Variants in PLCG2 observed in about 807,000 individuals in gnomAD.
PLCG2 encodes 1-phosphatidylinositol 4,5-bisphosphate phosphodiesterase gamma-2.
Under a neutral mutation model 175.6 loss-of-function variants are expected in PLCG2, and 69 were observed. The observed-to-expected ratio is 0.39, with a 90% CI of 0.32 to 0.48. The LOEUF (loss-of-function observed/expected upper bound fraction) is 0.48, where lower values mean the gene tolerates loss of function less well. PLCG2 is among the 20% of genes least tolerant of loss of function. The pLI, the probability that PLCG2 is intolerant of heterozygous loss-of-function variation, is 0.91. For synonymous variants in PLCG2, 827 were observed against 624.0 expected, an observed-to-expected ratio of 1.33 and a Z score of -4.85; for missense variants, 1,798 against 1,650.9, an observed-to-expected ratio of 1.09 and a Z score of -1.54.
rs1039970193 is a variant in PLCG2, at chr16:81,959,253, T to G, written c.*1255T>G. On this transcript the variant is annotated 3_prime_UTR_variant, in exon 33 of 33. Transcript: ENST00000564138. ...CCAGCAGTAAGCCTGATGTTTGATG[T>G]GGATGGAACTGGCCCCTAGAAACCC... 1.3e-5 allele frequency: 3 copies of G among 223,588 alleles called. No homozygotes were observed. Among genetic ancestry groups the G allele is most frequent in the Non-Finnish European group, 2.7e-5 (3 of 112,062 alleles). The allele number at this position is 223,588 out of a possible 1,614,324, so 13.9% of individuals were successfully genotyped here. A position where few individuals can be genotyped will look rare whatever the true frequency, so the allele number is the denominator to read the frequency against.
upstream of PLCG2, among the ~76,000 whole-genome samples, chr16:81,774,671 C>G (rs1326505731): frequency 1.3e-5 from 2 of 151,648 alleles, no homozygotes; most frequent in Non-Finnish European, 2.9e-5. Flanking sequence ...GGACCTCAGC[C>G]TGGTCACTGC....
intron 2 of PLCG2, among the ~76,000 whole-genome samples, chr16:81,832,201 G>T (rs1449937151): frequency 1.3e-5 from 2 of 152,202 alleles, no homozygotes; most frequent in African/African-American, 4.8e-5. Flanking sequence ...GTGAATACTT[G>T]GGGGGATATT....
In PLCG2 at chr16:81,895,859, G is replaced by T. The variant is rs374233612; in HGVS notation, c.1125G>T (p.Thr375=). ...DGKPVIYHGW[T]RTTKIKFDDV... ...AGCCGGTCATCTACCATGGCTGGAC[G>T]CGGACTACCAAGATCAAGTTTGACG... Residue 375 remains threonine, a synonymous_variant, in exon 13 of 33, where the codon ACG becomes ACT. Transcript: ENST00000564138. 24 of 1,613,990 alleles carry T rather than the reference G, an allele frequency of 1.5e-5. 1 individual carries two copies. In the Admixed American group the frequency reaches 4.0e-4, roughly 27 times the overall value.
In PLCG2 at chr16:81,886,497, C is replaced by G. The variant is rs186642922; in HGVS notation, c.766-2675C>G. On this transcript the variant is annotated intron_variant, in intron 9 of 32. Transcript: ENST00000564138. Reference sequence around the variant, plus strand: ...ATATCTGGAGTAAATAGTTGCCCTCCCAGACACTTATCCTAAGGAAATAAT... The same window carrying G: ...ATATCTGGAGTAAATAGTTGCCCTCGCAGACACTTATCCTAAGGAAATAAT... Among the ~76,000 whole-genome samples the G allele has an allele frequency of 2.3e-3, 346 of 152,258 alleles. 3 individuals carry two copies. Among genetic ancestry groups the G allele is most frequent in the Middle Eastern group, 0.01 (3 of 294 alleles).
At chr16:81,948,513 G>A (rs1182461426) in intron 31 of PLCG2, among the ~76,000 whole-genome samples, 1 of 152,160 alleles carries the variant, frequency 6.6e-6, no homozygotes, top group South Asian at 2.1e-4. Context: ...TCTTTAGAGT[G>A]GAAGAAAACC....
intron 2 of PLCG2, among the ~76,000 whole-genome samples, chr16:81,806,113 C>T (rs1199814613): frequency 6.7e-6 from 1 of 148,632 alleles, no homozygotes; most frequent in African/African-American, 2.4e-5. Flanking sequence ...TCTGTGTCTT[C>T]AAAATCCAGT....
chr16:81,792,052 A>G (rs573537191), intron 2 of PLCG2, among the ~76,000 whole-genome samples: 2 of 152,336 alleles, frequency 1.3e-5, no homozygotes, highest in East Asian at 1.9e-4. Flanking sequence ...AATGGCATGC[A>G]TATCGATGGT....
chr16:81,926,220 T>G (rs1043688788), intron 22 of PLCG2, among the ~76,000 whole-genome samples: 8 of 152,180 alleles, frequency 5.3e-5, no homozygotes, highest in Non-Finnish European at 1.0e-4. Flanking sequence ...CTGGGAGTCC[T>G]GGGGTCAGAC....
rs779774477 is a variant in PLCG2 at position 81,869,275 on chromosome 16, A to C, written c.541A>C (p.Lys181Gln). The change falls in exon 6 of 33, where the codon AAG becomes CAG. Residue 181 changes from lysine to glutamine, a missense_variant. Transcript: ENST00000564138. ...PLINFKVSSA[K>Q]FLKDKFVEIG... Reference sequence around the variant, plus strand: ...GATCAACTTTAAAGTGAGCAGTGCCAAGTTCCTTAAAGATAAGTTTGTGGT... The same window carrying C: ...GATCAACTTTAAAGTGAGCAGTGCCCAGTTCCTTAAAGATAAGTTTGTGGT... 2 of 1,613,106 alleles carry C rather than the reference A, an allele frequency of 1.2e-6. No homozygotes were observed. The highest frequency in any genetic ancestry group is 1.1e-5 in the South Asian group (1 of 91,050).
intron 25 of PLCG2, 69 bp downstream of exon 25, chr16:81,931,723 G>T (rs1910511169): frequency 7.0e-7 from 1 of 1,438,584 alleles, no homozygotes; most frequent in Non-Finnish European, 9.7e-7. Flanking sequence ...AGTTGGGACT[G>T]TGGGTGGGTC....
Position 81,907,786 on chromosome 16 carries a change from C to A in PLCG2, c.1557+12C>A, listed in dbSNP as rs374922699. On this transcript the variant is annotated intron_variant, in intron 16 of 32. Coordinates refer to ENST00000564138, the MANE Select transcript of PLCG2 (RefSeq NM_002661.5). The stretch of plus-strand genomic sequence containing the variant: ...AGGAAGTGCCCCAGGTAGGGGGACA[C>A]CCTAGCCACATAGGGAGGAGGTCCC... 3.7e-6 allele frequency: 6 copies of A among 1,601,000 alleles called. No individual in the cohort carries two copies. The East Asian group carries it at 8.9e-5, about 24-fold the overall frequency.
At chr16:81,872,098 C>G (rs114660464) in intron 7 of PLCG2, among the ~76,000 whole-genome samples, 1 of 152,078 alleles carries the variant, frequency 6.6e-6, no homozygotes, top group Non-Finnish European at 1.5e-5. Flanking sequence ...GGAGCCCAGG[C>G]GGGTGGATCA....
At chr16:81,865,625 C>G (rs1443467097) in intron 5 of PLCG2, among the ~76,000 whole-genome samples, 3 of 152,216 alleles carry the variant, frequency 2.0e-5, no homozygotes, top group African/African-American at 7.2e-5. Context: ...GGTTCCTTTG[C>G]CCTGCTGCTG....
chr16:81,760,444 G>C (rs1455151541), intron 2 of PLCG2, among the ~76,000 whole-genome samples: 1 of 152,192 alleles, frequency 6.6e-6, no homozygotes, highest in African/African-American at 2.4e-5. Context: ...CCTGATGCTG[G>C]TACGTCTGAC....
intron 31 of PLCG2, among the ~76,000 whole-genome samples, chr16:81,947,244 C>T (rs941869418): frequency 7.9e-5 from 12 of 152,110 alleles, no homozygotes; most frequent in South Asian, 2.1e-4. Context: ...AGCTTAATGC[C>T]GGGGCTGCCA....
chr16:81,897,476 C>A (rs1484062299), intron 13 of PLCG2, among the ~76,000 whole-genome samples: 1 of 152,060 alleles, frequency 6.6e-6, no homozygotes, highest in Non-Finnish European at 1.5e-5. Context: ...CTTAACCCTG[C>A]ACCTGGCATA....
In PLCG2 at chr16:81,960,893, T is replaced by C. The variant is rs1038158517; in HGVS notation, c.*2895T>C. 1.7e-5 allele frequency: 4 copies of C among 229,290 alleles called. No homozygotes were observed. The highest frequency in any genetic ancestry group is 1.1e-4 in the Admixed American group (2 of 17,648). 14.2% of individuals were successfully genotyped at this position (229,290 alleles called of 1,614,324 possible). On this transcript the variant is annotated 3_prime_UTR_variant, in exon 33 of 33. Transcript: ENST00000564138. The stretch of plus-strand genomic sequence containing the variant: ...TGTTCAGAGCCTCATCTTCCTGTTA[T>C]ATTCTTCTCTAAGATTCATCTGCCT...
At chr16:81,920,957 A>G (rs1302396032) in intron 20 of PLCG2, among the ~76,000 whole-genome samples, 1 of 152,206 alleles carries the variant, frequency 6.6e-6, no homozygotes, top group East Asian at 1.9e-4. Context: ...AAAGGAACGC[A>G]GTGCCTGGCA....
chr16:81,907,047 A>G (rs1167617038), intron 15 of PLCG2, among the ~76,000 whole-genome samples: 1 of 151,958 alleles, frequency 6.6e-6, no homozygotes, highest in Non-Finnish European at 1.5e-5. Flanking sequence ...AAAAAAAAAA[A>G]AAAAAAAACA....
Sources: gnomAD v4.1 joint callset for allele counts (sites outside exome capture counted in the v4.1 genomes callset) on GRCh38, gnomAD v4.1.1 for gene constraint, MANE v1.5 for transcripts, NCBI Gene and HGNC (gene_info 2026-07-23, HGNC 2026-07-21) for gene names.